MYO3A: variants seen among roughly 807,000 people sequenced by gnomAD.
MYO3A encodes the protein myosin IIIA.
MYO3A carries 180 observed loss-of-function variants against 192.7 expected under a neutral mutation model. The ratio of observed to expected loss-of-function variants is 0.93; its 90% CI spans 0.83 to 1.06. The LOEUF (loss-of-function observed/expected upper bound fraction) is 1.06, where lower values mean the gene tolerates loss of function less well. Ranked by LOEUF, MYO3A falls within the 50% of genes least tolerant of loss-of-function variation. The probability of loss-of-function intolerance (pLI) is 0.00; values close to 1 mark genes in which losing one functional copy is unlikely to be tolerated. For missense variants in MYO3A, 1,896 were observed against 1,905.0 expected, an observed-to-expected ratio of 1.00 and a Z score of 0.09; for synonymous variants, 628 against 645.3, an observed-to-expected ratio of 0.97 and a Z score of 0.41.
chr10:26,108,153 A>G (rs1307453231), intron 17 of MYO3A, among the ~76,000 whole-genome samples: 1 of 152,188 alleles, frequency 6.6e-6, no homozygotes, highest in South Asian at 2.1e-4. Context: ...GTAACAGTTT[A>G]TTGTTTGCTA....
intron 14 of MYO3A, among the ~76,000 whole-genome samples, chr10:26,081,618 G>T (rs2131466267): frequency 6.6e-6 from 1 of 152,306 alleles, no homozygotes; most frequent in Non-Finnish European, 1.5e-5. Flanking sequence ...TTCAGCTAAA[G>T]ATTTCCTTCT....
At chr10:26,172,892 C>T (rs1021773502) in intron 29 of MYO3A, among the ~76,000 whole-genome samples, 1 of 152,186 alleles carries the variant, frequency 6.6e-6, no homozygotes, top group African/African-American at 2.4e-5. Flanking sequence ...AAGACCTAAA[C>T]TCTCACATGG....
chr10:26,112,691 T>C (rs1838265759), intron 17 of MYO3A, among the ~76,000 whole-genome samples: 1 of 152,078 alleles, frequency 6.6e-6, no homozygotes, highest in African/African-American at 2.4e-5. Context: ...ACTCTCAGAG[T>C]TTACAGTTCA....
intron 34 of MYO3A, among the ~76,000 whole-genome samples, chr10:26,205,180 A>G (rs764541686): frequency 6.6e-6 from 1 of 152,192 alleles, no homozygotes; most frequent in Non-Finnish European, 1.5e-5. Flanking sequence ...ATGATGTTTT[A>G]AGATACATGT....
At chr10:26,099,215 TGTTATTGGTATATA>T (rs1442063211) in intron 17 of MYO3A, among the ~76,000 whole-genome samples, 1 of 152,214 alleles carries the variant, frequency 6.6e-6, no homozygotes, top group East Asian at 1.9e-4. Context: ...TCTGTTTGTC[TGTTATTGGTATATA>T]GGAATGGTTG....
chr10:26,170,979 T>C (rs769859877), intron 29 of MYO3A, among the ~76,000 whole-genome samples: 1 of 152,228 alleles, frequency 6.6e-6, no homozygotes, highest in Non-Finnish European at 1.5e-5. Flanking sequence ...AAACCACTTA[T>C]TCACTTATTC....
chr10:25,953,474 A>C lies in MYO3A; in HGVS notation c.168+1196A>C, dbSNP rs1230154738. Among the ~76,000 whole-genome samples, 3 of 152,032 alleles carry C rather than the reference A, an allele frequency of 2.0e-5. No individual in the cohort carries two copies. The East Asian group carries it at 5.8e-4, about 29-fold the overall frequency. ...GCTGAATGTCTTCACATTCTCTTGG[A>C]AACTTCTAAGCATTTAAACTGAAGG... On this transcript the variant is annotated intron_variant, in intron 3 of 34. Transcript: ENST00000642920.
At chr10:25,993,352 G>T (rs112546055) in intron 4 of MYO3A, among the ~76,000 whole-genome samples, 14,454 of 152,074 alleles carry the variant, frequency 0.095, 1,212 homozygotes, top group African/African-American at 0.22. Context: ...GATTGATGGT[G>T]ATATCCCCTT....
At chr10:26,111,467 A>C (rs1838173648) in intron 17 of MYO3A, among the ~76,000 whole-genome samples, 1 of 152,016 alleles carries the variant, frequency 6.6e-6, no homozygotes, top group Non-Finnish European at 1.5e-5. Context: ...ACCCTTTCCT[A>C]GGCATGACCA....
chr10:26,149,562 A>G (rs1448727263), intron 23 of MYO3A, among the ~76,000 whole-genome samples: 1 of 152,108 alleles, frequency 6.6e-6, no homozygotes, highest in Non-Finnish European at 1.5e-5. Flanking sequence ...TCAGGCATGC[A>G]TATAGTATTT....
chr10:26,175,404 G>A (rs910141501), intron 30 of MYO3A, among the ~76,000 whole-genome samples: 2 of 152,168 alleles, frequency 1.3e-5, no homozygotes, highest in Non-Finnish European at 2.9e-5. Flanking sequence ...GTTTTAACTG[G>A]ATGATCTCTA....
At chr10:26,147,611 T>A (rs1840548449) in intron 23 of MYO3A, 52 bp downstream of exon 23, 5 of 1,611,644 alleles carry the variant, frequency 3.1e-6, no homozygotes, top group Non-Finnish European at 4.2e-6. Context: ...TCAAATAGTT[T>A]CTATCTCTGC....
chr10:26,113,869 C>G (rs547398691), intron 17 of MYO3A, among the ~76,000 whole-genome samples: 29 of 152,290 alleles, frequency 1.9e-4, no homozygotes, highest in African/African-American at 6.5e-4. Flanking sequence ...GATTCCATGA[C>G]TAAAATTGAG....
At chr10:26,028,856 C>T (rs964044864) in intron 10 of MYO3A, among the ~76,000 whole-genome samples, 1 of 152,152 alleles carries the variant, frequency 6.6e-6, no homozygotes, top group African/African-American at 2.4e-5. Context: ...CCACACTTGG[C>T]TTGCCTCATA....
chr10:26,172,297 C>T (rs1242608321), intron 29 of MYO3A, among the ~76,000 whole-genome samples: 2 of 152,186 alleles, frequency 1.3e-5, no homozygotes, highest in African/African-American at 4.8e-5. Context: ...CCTAGAATAC[C>T]ACAGCGGGGA....
chr10:26,174,719 C>T (rs751619544), intron 30 of MYO3A, among the ~76,000 whole-genome samples, 162 bp downstream of exon 30: 2 of 152,024 alleles, frequency 1.3e-5, no homozygotes, highest in Admixed American at 6.5e-5. Context: ...TTCAAATAGC[C>T]AGGAACTTTT....
At chr10:26,135,335 G>A (rs61284099) in intron 20 of MYO3A, among the ~76,000 whole-genome samples, 3 of 151,478 alleles carry the variant, frequency 2.0e-5, no homozygotes, top group Non-Finnish European at 4.4e-5. Context: ...TAATCTATTA[G>A]ATTATTAGGT....
At chr10:26,033,156 C>T (rs1842877033) in intron 10 of MYO3A, among the ~76,000 whole-genome samples, 2 of 152,148 alleles carry the variant, frequency 1.3e-5, no homozygotes, top group South Asian at 2.1e-4. Flanking sequence ...TCACTGCAAC[C>T]CCCACCTCCT....
At chr10:26,209,320 C>T (rs74129114) in intron 34 of MYO3A, among the ~76,000 whole-genome samples, 2,030 of 152,290 alleles carry the variant, frequency 0.013, 47 homozygotes, top group African/African-American at 0.046. Context: ...GTTCTCTTTA[C>T]GAAATCATTT....
Sources: gnomAD v4.1 joint callset for allele counts (sites outside exome capture counted in the v4.1 genomes callset) on GRCh38, gnomAD v4.1.1 for gene constraint, MANE v1.5 for transcripts, NCBI Gene and HGNC (gene_info 2026-07-23, HGNC 2026-07-21) for gene names.